Variants in CWC27 observed in about 807,000 individuals in gnomAD.
CWC27 encodes spliceosome-associated protein CWC27 homolog.
CWC27 carries 47 observed loss-of-function variants against 63.6 expected under a neutral mutation model. That is an observed-to-expected ratio of 0.74 (90% CI 0.58 to 0.94). The LOEUF is 0.94. CWC27 is among the 40% of genes least tolerant of loss of function. The pLI is 0.00. For synonymous variants in CWC27, 175 were observed against 179.8 expected (o/e 0.97, Z 0.22); for missense variants, 495 against 554.3 (o/e 0.89, Z 1.07).
At chr5:65,002,293 T>C (rs533845904) in intron 13 of CWC27, among the ~76,000 whole-genome samples, 78 of 152,270 alleles carry the variant, frequency 5.1e-4, no homozygotes, top group African/African-American at 1.8e-3. Context: ...GTATTGTTTG[T>C]AGTCTCTGTT....
intron 10 of CWC27, among the ~76,000 whole-genome samples, chr5:64,814,079 A>T (rs1050834290): frequency 1.4e-5 from 2 of 142,726 alleles, no homozygotes; most frequent in African/African-American, 5.1e-5. Flanking sequence ...TTTTTTTGCG[A>T]TTTTTTTTTT....
At chr5:64,805,048 A>G (rs1561415185) in intron 10 of CWC27, 1 of 152,054 alleles carries the variant, frequency 6.6e-6, no homozygotes, top group Non-Finnish European at 1.5e-5. Flanking sequence ...GCTTTAAAAA[A>G]CAATAGTATT....
At chr5:64,882,196 G>A (rs963476302) in intron 10 of CWC27, among the ~76,000 whole-genome samples, 2 of 152,152 alleles carry the variant, frequency 1.3e-5, no homozygotes, top group African/African-American at 4.8e-5. Flanking sequence ...AGAAAATGAT[G>A]TACTTCAACA....
At chr5:64,873,291 T>G (rs1746721365) in intron 10 of CWC27, among the ~76,000 whole-genome samples, 1 of 152,134 alleles carries the variant, frequency 6.6e-6, no homozygotes, top group South Asian at 2.1e-4. Flanking sequence ...ATATAGCATA[T>G]TAATAAATTG....
intron 13 of CWC27, among the ~76,000 whole-genome samples, chr5:64,985,565 T>A (rs1749409430): frequency 6.6e-6 from 1 of 152,212 alleles, no homozygotes; most frequent in Admixed American, 6.5e-5. Flanking sequence ...TTGCAATTGT[T>A]TGTCATTGTT....
At chr5:64,857,479 C>T (rs1000900174) in intron 10 of CWC27, among the ~76,000 whole-genome samples, 1 of 152,120 alleles carries the variant, frequency 6.6e-6, no homozygotes, top group Non-Finnish European at 1.5e-5. Context: ...CGAGTAGGCA[C>T]CTATTCAACA....
At chr5:64,876,104 T>G (rs1450004741) in intron 10 of CWC27, among the ~76,000 whole-genome samples, 2 of 152,114 alleles carry the variant, frequency 1.3e-5, no homozygotes, top group African/African-American at 4.8e-5. Flanking sequence ...CTAACTTTTG[T>G]TAGATATTTG....
chr5:64,864,851 C>A (rs1746496748), intron 10 of CWC27, among the ~76,000 whole-genome samples: 1 of 151,880 alleles, frequency 6.6e-6, no homozygotes, highest in Non-Finnish European at 1.5e-5. Context: ...TTAAATCAAG[C>A]TAATTAACAT....
intron 10 of CWC27, among the ~76,000 whole-genome samples, chr5:64,816,712 T>G (rs957088339): frequency 3.9e-5 from 6 of 152,174 alleles, no homozygotes; most frequent in Non-Finnish European, 8.8e-5. Flanking sequence ...AAATTTCTCT[T>G]ATGTGTGGTA....
At position 64,808,450 on chromosome 5, in the gene CWC27, G is replaced by C. The variant is rs562188744; in HGVS notation, c.938+4064G>C. On this transcript the variant is annotated intron_variant, in intron 10 of 13. Coordinates refer to ENST00000381070, the MANE Select transcript of CWC27 (RefSeq NM_005869.4). The stretch of plus-strand genomic sequence containing the variant: ...TGTATCCTTATACTGTAACTTTCTT[G>C]AAGGTAGTGATCATATCCATTTACA... 67 of 594,886 alleles carry C rather than the reference G, an allele frequency of 1.1e-4. No homozygotes were observed. In the African/African-American group the frequency reaches 1.3e-3, roughly 11 times the overall value. 36.9% of individuals were successfully genotyped at this position (594,886 alleles called of 1,614,324 possible).
chr5:64,873,072 G>A (rs1182630691), intron 10 of CWC27, among the ~76,000 whole-genome samples: 1 of 152,084 alleles, frequency 6.6e-6, no homozygotes, highest in Non-Finnish European at 1.5e-5. Context: ...TAAGGCAATA[G>A]AGCAGAAAGA....
At chr5:64,770,576 T>C (rs1409741664) in intron 1 of CWC27, among the ~76,000 whole-genome samples, 1 of 152,192 alleles carries the variant, frequency 6.6e-6, no homozygotes, top group African/African-American at 2.4e-5. Context: ...TTAACCTTTT[T>C]AGTTTTTTTC....
chr5:64,908,792 G>A (rs1277453254), intron 11 of CWC27, among the ~76,000 whole-genome samples: 1 of 152,144 alleles, frequency 6.6e-6, no homozygotes, highest in Non-Finnish European at 1.5e-5. Context: ...CACGTGAGAT[G>A]GGTCTCCTAA....
intron 13 of CWC27, among the ~76,000 whole-genome samples, chr5:65,004,905 T>C (rs2548484): frequency 0.073 from 4,608 of 63,398 alleles, 390 homozygotes; most frequent in African/African-American, 0.22. Flanking sequence ...TATATATATA[T>C]ACATACACAC....
chr5:64,825,401 A>T (rs1265471945), intron 10 of CWC27, among the ~76,000 whole-genome samples: 5 of 152,172 alleles, frequency 3.3e-5, no homozygotes, highest in Non-Finnish European at 7.3e-5. Flanking sequence ...AAGCAGGGAG[A>T]GGTTGGAACT....
At chr5:65,017,552 G>A (rs1007720414) in intron 13 of CWC27, among the ~76,000 whole-genome samples, 2 of 152,182 alleles carry the variant, frequency 1.3e-5, no homozygotes, top group Non-Finnish European at 1.5e-5. Context: ...CGTTAGATTC[G>A]TTGTAATCAA....
chr5:64,771,067 A>C (rs1743237581), intron 1 of CWC27, among the ~76,000 whole-genome samples: 1 of 152,252 alleles, frequency 6.6e-6, no homozygotes, highest in Admixed American at 6.5e-5. Flanking sequence ...GTTTAATTAC[A>C]AAATGTGATA....
chr5:64,872,003 A>G lies in CWC27; in HGVS notation c.939-13440A>G, dbSNP rs553965663. ...AATGCATCATAACAATAGTATCATC[A>G]TCAACATCATACTGTGTTGTTATTA... On this transcript the variant is annotated intron_variant, in intron 10 of 13. Coordinates refer to ENST00000381070, the MANE Select transcript of CWC27 (RefSeq NM_005869.4). Among the ~76,000 whole-genome samples, 144 of 152,308 alleles carry G rather than the reference A, an allele frequency of 9.5e-4. 2 individuals are homozygous for G. The highest frequency in any genetic ancestry group is 3.3e-3 in the African/African-American group (136 of 41,570).
chr5:64,979,924 C>T (rs895868275), intron 13 of CWC27, among the ~76,000 whole-genome samples: 6 of 122,090 alleles, frequency 4.9e-5, no homozygotes, highest in Admixed American at 9.7e-5. Flanking sequence ...TGGTATACAA[C>T]AGACATTTGG....
Sources: gnomAD v4.1 joint callset for allele counts (sites outside exome capture counted in the v4.1 genomes callset) on GRCh38, gnomAD v4.1.1 for gene constraint, MANE v1.5 for transcripts, NCBI Gene and HGNC (gene_info 2026-07-23, HGNC 2026-07-21) for gene names.